SGPP2: variants seen among roughly 807,000 people sequenced by gnomAD.
SGPP2 encodes the protein sphingosine-1-phosphate phosphatase 2.
SGPP2 carries 30 observed loss-of-function variants against 33.9 expected under a neutral mutation model. The ratio of observed to expected loss-of-function variants is 0.89; its 90% CI spans 0.66 to 1.20. The LOEUF is 1.20. Among genes scored for constraint, SGPP2 ranks in the 50% most tolerant of loss-of-function variants. SGPP2 has a pLI of 0.00. For synonymous variants in SGPP2, 233 were observed against 225.0 expected (o/e 1.04, Z -0.32); for missense variants, 458 against 532.1 (o/e 0.86, Z 1.37).
intron 4 of SGPP2, among the ~76,000 whole-genome samples, chr2:222,539,305 G>T (rs1698959181): frequency 1.3e-5 from 2 of 152,142 alleles, no homozygotes; most frequent in Admixed American, 6.5e-5. Flanking sequence ...AATTATAAAG[G>T]TTCTTAAATA....
intron 1 of SGPP2, among the ~76,000 whole-genome samples, chr2:222,450,026 G>A (rs1481968155): frequency 1.3e-5 from 2 of 152,182 alleles, no homozygotes; most frequent in Non-Finnish European, 2.9e-5. Flanking sequence ...TGACATTTTT[G>A]TGTATCAACA....
intron 2 of SGPP2, among the ~76,000 whole-genome samples, chr2:222,490,060 T>C (rs929014851): frequency 3.3e-5 from 5 of 152,222 alleles, no homozygotes; most frequent in African/African-American, 1.2e-4. Context: ...TTCAGCTACC[T>C]AAAAGGATGT....
intron 2 of SGPP2, among the ~76,000 whole-genome samples, chr2:222,514,785 C>G (rs770190664): frequency 2.6e-5 from 4 of 152,146 alleles, no homozygotes; most frequent in Non-Finnish European, 5.9e-5. Context: ...CTGGCCTCCT[C>G]CCTCTAAATG....
rs1346481404 is a variant in SGPP2, at chr2:222,460,519, A to C, written c.220-14049A>C. Among the ~76,000 whole-genome samples, 1 of 152,226 alleles carries C rather than the reference A, an allele frequency of 6.6e-6. No homozygotes were observed. The highest frequency in any genetic ancestry group is 1.5e-5 in the Non-Finnish European group (1 of 68,038). ...GCAAAATTACTTAGAAAAGACAAGA[A>C]TGTGAATCCACTGGTGACCGTTTAC... On this transcript the variant is annotated intron_variant, in intron 1 of 4. Transcript: ENST00000321276. The surrounding 1 kb of genome is among the most constrained non-coding windows in gnomAD (Gnocchi z 4.3).
At chr2:222,510,454 C>T (rs1011913426) in intron 2 of SGPP2, among the ~76,000 whole-genome samples, 2 of 152,132 alleles carry the variant, frequency 1.3e-5, no homozygotes, top group African/African-American at 4.8e-5. Flanking sequence ...GAAACAAACC[C>T]GTAGATAGAC....
At chr2:222,548,487 G>A (rs1034723462) in intron 4 of SGPP2, among the ~76,000 whole-genome samples, 2 of 152,198 alleles carry the variant, frequency 1.3e-5, no homozygotes, top group Admixed American at 1.3e-4. Flanking sequence ...TCCACACCTA[G>A]TGATTTTTAG....
intron 2 of SGPP2, among the ~76,000 whole-genome samples, chr2:222,506,477 G>A (rs1010235914): frequency 3.3e-5 from 5 of 152,144 alleles, no homozygotes; most frequent in Admixed American, 2.6e-4. Flanking sequence ...CAGTTGATGC[G>A]CTGATAAACA....
chr2:222,473,377 C>A (rs570001293), intron 1 of SGPP2, among the ~76,000 whole-genome samples: 1 of 152,254 alleles, frequency 6.6e-6, no homozygotes, highest in Admixed American at 6.5e-5. Context: ...ATCATCAAAG[C>A]CAGCAGCTTA....
At chr2:222,518,223 C>T (rs1484050599) in intron 2 of SGPP2, among the ~76,000 whole-genome samples, 3 of 152,106 alleles carry the variant, frequency 2.0e-5, no homozygotes, top group South Asian at 2.1e-4. Flanking sequence ...AATATGCAGC[C>T]GTAGTATTTT....
intron 1 of SGPP2, among the ~76,000 whole-genome samples, chr2:222,436,712 C>G (rs1441224400): frequency 6.6e-6 from 1 of 152,170 alleles, no homozygotes; most frequent in Non-Finnish European, 1.5e-5. Flanking sequence ...CAGAACATTG[C>G]GTGCAGGATA....
At chr2:222,531,874 A>G (rs183329531) in intron 4 of SGPP2, among the ~76,000 whole-genome samples, 59 of 152,236 alleles carry the variant, frequency 3.9e-4, no homozygotes, top group African/African-American at 1.1e-3. Flanking sequence ...GGAGACAGAT[A>G]CTCTGTAGAC....
At chr2:222,547,131 C>T (rs868740829) in intron 4 of SGPP2, among the ~76,000 whole-genome samples, 3 of 152,200 alleles carry the variant, frequency 2.0e-5, no homozygotes, top group African/African-American at 4.8e-5. Context: ...CCTGCATGGG[C>T]CTGCTTAACA....
Position 222,424,544 on chromosome 2 carries a change from CCAGCGGAGGGCACCGGCCCGGCGTGG to C in SGPP2, c.-52_-27del, listed in dbSNP as rs1347700332. 3.1e-3 allele frequency: 3,478 copies of C among 1,131,602 alleles called. 6 individuals are homozygous for C. Among genetic ancestry groups the C allele is most frequent in the Non-Finnish European group, 3.5e-3 (3,182 of 904,352 alleles). 70.1% of individuals were successfully genotyped at this position (1,131,602 alleles called of 1,614,324 possible). ...CGGGGGCGAGGCGGGAGTGGCGGTGCCAGCGGAGGGCACCGGCCCGGCGTGGCAGCGGCGGCGGAGCGCGGCCCCGG... is the reference window on the plus strand; with the variant it reads ...CGGGGGCGAGGCGGGAGTGGCGGTGCCAGCGGCGGCGGAGCGCGGCCCCGG... On this transcript the variant is annotated 5_prime_UTR_variant, in exon 1 of 5. Transcript: ENST00000321276.
chr2:222,447,160 A>G (rs1697410406), intron 1 of SGPP2, among the ~76,000 whole-genome samples: 1 of 152,192 alleles, frequency 6.6e-6, no homozygotes, highest in Non-Finnish European at 1.5e-5. Flanking sequence ...CATCAGAACC[A>G]TGTTCCAGCT....
chr2:222,437,956 C>G (rs1697269527), intron 1 of SGPP2, among the ~76,000 whole-genome samples: 1 of 152,200 alleles, frequency 6.6e-6, no homozygotes, highest in African/African-American at 2.4e-5. Context: ...ATTGGATCTG[C>G]TGGGTCATAT....
At chr2:222,478,043 AT>A (rs1322727038) in intron 2 of SGPP2, among the ~76,000 whole-genome samples, 1 of 151,988 alleles carries the variant, frequency 6.6e-6, no homozygotes, top group Non-Finnish European at 1.5e-5. Context: ...TTCTGTAGTT[AT>A]TCTGTGTGGT....
chr2:222,498,275 A>G lies in SGPP2; in HGVS notation c.379-23492A>G, dbSNP rs141825470. 1.4e-4 allele frequency: 22 copies of G among 152,352 alleles called. No individual in the cohort carries two copies. In the East Asian group the frequency reaches 1.9e-3, roughly 13 times the overall value. 9.4% of individuals were successfully genotyped at this position (152,352 alleles called of 1,614,324 possible). A position where few individuals can be genotyped will look rare whatever the true frequency, so the allele number is the denominator to read the frequency against. On this transcript the variant is annotated intron_variant, in intron 2 of 4. Coordinates refer to ENST00000321276, the MANE Select transcript of SGPP2 (RefSeq NM_152386.4). ...CCTCAACTCTGTATACTATGATGCT[A>G]TTAACATTAATTACTATGATCACTT... is the stretch of plus-strand genomic sequence containing the variant.
At chr2:222,524,890 T>A in intron 3 of SGPP2, 54 bp from the exon 4 acceptor site, 1 of 1,374,694 alleles carries the variant, frequency 7.3e-7, no homozygotes, top group Non-Finnish European at 1.0e-6. Context: ...TGACATCAAA[T>A]CATGTATGTC....
chr2:222,497,470 C>T (rs1467967081), intron 2 of SGPP2, among the ~76,000 whole-genome samples: 1 of 152,146 alleles, frequency 6.6e-6, no homozygotes, highest in African/African-American at 2.4e-5. Flanking sequence ...TGGTCCCAAA[C>T]TCCTGACTTC....
Sources: gnomAD v4.1 joint callset for allele counts (sites outside exome capture counted in the v4.1 genomes callset) on GRCh38, gnomAD v4.1.1 for gene constraint, Gnocchi (gnomAD v3.1) non-coding constraint, MANE v1.5 for transcripts, NCBI Gene and HGNC (gene_info 2026-07-23, HGNC 2026-07-21) for gene names.